ATP10B: variants seen among roughly 807,000 people sequenced by gnomAD.
ATP10B encodes the protein phospholipid-transporting ATPase VB.
In ATP10B, 122 loss-of-function variants were observed where a neutral mutation model predicts 141.2. The ratio of observed to expected loss-of-function variants is 0.86; its 90% CI spans 0.75 to 1.00. The LOEUF (loss-of-function observed/expected upper bound fraction) is 1.00. Ranked by LOEUF, ATP10B falls within the 50% of genes least tolerant of loss-of-function variation. The probability of loss-of-function intolerance (pLI) is 0.00; values close to 1 mark genes in which losing one functional copy is unlikely to be tolerated. For missense variants in ATP10B, 1,876 were observed against 1,825.3 expected (o/e 1.03, Z -0.51); for synonymous variants, 685 against 692.0 (o/e 0.99, Z 0.16).
Position 160,690,188 on chromosome 5 carries a change from A to G in ATP10B, c.-204-1245T>C, listed in dbSNP as rs191531282. Among the ~76,000 whole-genome samples, 4 of 152,220 alleles carry G rather than the reference A, an allele frequency of 2.6e-5. No homozygotes were observed. The East Asian group carries it at 7.7e-4, about 29-fold the overall frequency. On this transcript the variant is annotated intron_variant, in intron 3 of 25. Transcript: ENST00000327245. ...CTGAAACTGGACACCTTCCTTACAC[A>G]TTATACAAAAATTAACTCAAGATGG...
chr5:160,624,488 T>C (rs928319833), intron 13 of ATP10B, among the ~76,000 whole-genome samples: 23 of 152,216 alleles, frequency 1.5e-4, no homozygotes, highest in African/African-American at 5.3e-4. Flanking sequence ...GCAAGAGGGC[T>C]AATAAAACTG....
chr5:160,610,338 A>T (rs542650284), intron 18 of ATP10B, among the ~76,000 whole-genome samples: 5 of 152,268 alleles, frequency 3.3e-5, no homozygotes, highest in African/African-American at 1.2e-4. Flanking sequence ...GCTAACAGTC[A>T]TGTAGGTGAA....
intron 2 of ATP10B, among the ~76,000 whole-genome samples, chr5:160,748,410 C>A (rs571433923): frequency 6.6e-6 from 1 of 152,274 alleles, no homozygotes; most frequent in East Asian, 1.9e-4. Context: ...TTAAATGAGC[C>A]CAGGACAATT....
chr5:160,636,333 T>C, intron 10 of ATP10B, 24 bp from the exon 11 acceptor site: 1 of 1,609,102 alleles, frequency 6.2e-7, no homozygotes, highest in African/African-American at 1.3e-5. Flanking sequence ...AAACCAGGAA[T>C]GAGGCTGAAT....
At chr5:160,667,133 G>A (rs1303999415) in intron 7 of ATP10B, among the ~76,000 whole-genome samples, 1 of 152,180 alleles carries the variant, frequency 6.6e-6, no homozygotes, top group Admixed American at 6.5e-5. Context: ...CAGGAGAATG[G>A]CGTGAACCCG....
the ATP10B span, among the ~76,000 whole-genome samples, chr5:160,884,384 GATGTAT>G: frequency 6.6e-6 from 1 of 152,178 alleles, no homozygotes; most frequent in Non-Finnish European, 1.5e-5. Context: ...CATGTATAAA[GATGTAT>G]AAAGATGTTA....
rs373120886 is a variant in ATP10B, at chr5:160,717,974, G to A, written c.-330-940C>T. Among the ~76,000 whole-genome samples, 6 of 152,334 alleles carry A rather than the reference G, an allele frequency of 3.9e-5. No homozygotes were observed. The East Asian group carries it at 5.8e-4, about 15-fold the overall frequency. Reference sequence around the variant, plus strand: ...ATAGGTTGGATTTACCCTGTACTTGGTGGGATCTCAGTTGGGGGGCCACAG... The same window carrying A: ...ATAGGTTGGATTTACCCTGTACTTGATGGGATCTCAGTTGGGGGGCCACAG... On this transcript the variant is annotated intron_variant, in intron 2 of 25. Coordinates refer to ENST00000327245, the MANE Select transcript of ATP10B (RefSeq NM_025153.3).
At chr5:160,625,538 T>C (rs1758565912) in intron 13 of ATP10B, among the ~76,000 whole-genome samples, 1 of 152,158 alleles carries the variant, frequency 6.6e-6, no homozygotes, top group South Asian at 2.1e-4. Flanking sequence ...GATGCCAAAA[T>C]TGAGTGTCAG....
chr5:160,863,154 A>C, the ATP10B span, among the ~76,000 whole-genome samples: 1 of 151,952 alleles, frequency 6.6e-6, no homozygotes, highest in South Asian at 2.1e-4. Context: ...TATGGGATGG[A>C]GTTCCTACCC....
chr5:160,826,223 C>T (rs1184103213), intron 1 of ATP10B, among the ~76,000 whole-genome samples: 1 of 152,030 alleles, frequency 6.6e-6, no homozygotes, highest in Admixed American at 6.6e-5. Context: ...AAGTTTTGAG[C>T]AATCTCCAAA....
chr5:160,700,547 T>C (rs1430644359), intron 3 of ATP10B, among the ~76,000 whole-genome samples: 2 of 152,228 alleles, frequency 1.3e-5, no homozygotes, highest in African/African-American at 4.8e-5. Context: ...CAGCACATAA[T>C]TGCTAAGTAG....
the ATP10B span, among the ~76,000 whole-genome samples, chr5:160,900,578 G>T: frequency 1.1e-4 from 16 of 152,144 alleles, no homozygotes; most frequent in African/African-American, 3.6e-4. Context: ...AGGTGTTAAT[G>T]TATGTGCTAC....
At chr5:160,899,225 G>C in the ATP10B span, among the ~76,000 whole-genome samples, 1 of 152,038 alleles carries the variant, frequency 6.6e-6, no homozygotes, top group Non-Finnish European at 1.5e-5. Flanking sequence ...TATTGAAAGT[G>C]GGGGGGAGGG....
rs536050789 is a variant in ATP10B at position 160,689,314 on chromosome 5, C to T, written c.-204-371G>A. Among the ~76,000 whole-genome samples the T allele has an allele frequency of 8.5e-5, 13 of 152,290 alleles. No homozygotes were observed. The South Asian group carries it at 2.7e-3, about 32-fold the overall frequency. On this transcript the variant is annotated intron_variant, in intron 3 of 25. Transcript: ENST00000327245. ...TGGAAGCATTCCCTTTGGAAACCAGCACAAGACAAGGATGCCCTCTCTTAC... is the reference window on the plus strand; with the variant it reads ...TGGAAGCATTCCCTTTGGAAACCAGTACAAGACAAGGATGCCCTCTCTTAC...
chr5:160,900,505 A>G, the ATP10B span, among the ~76,000 whole-genome samples: 3 of 152,266 alleles, frequency 2.0e-5, no homozygotes, highest in East Asian at 5.8e-4. Flanking sequence ...CTCAGCTCTT[A>G]ACTTCTAAAT....
At chr5:160,704,039 G>A (rs1319508724) in intron 3 of ATP10B, among the ~76,000 whole-genome samples, 1 of 152,118 alleles carries the variant, frequency 6.6e-6, no homozygotes, top group East Asian at 1.9e-4. Flanking sequence ...CTGGAGTTCA[G>A]TGCCATGATC....
At chr5:160,787,278 T>C (rs547961032) in intron 1 of ATP10B, among the ~76,000 whole-genome samples, 1 of 152,294 alleles carries the variant, frequency 6.6e-6, no homozygotes, top group South Asian at 2.1e-4. Context: ...AAGCTGAATC[T>C]GAGTGGTGTC....
chr5:160,695,710 G>A (rs1764320222), intron 3 of ATP10B, among the ~76,000 whole-genome samples: 1 of 151,988 alleles, frequency 6.6e-6, no homozygotes, highest in South Asian at 2.1e-4. Flanking sequence ...CATATCAGTG[G>A]GTTAGGACTA....
At chr5:160,825,966 C>CT (rs1774572094) in intron 1 of ATP10B, among the ~76,000 whole-genome samples, 1 of 152,174 alleles carries the variant, frequency 6.6e-6, no homozygotes, top group African/African-American at 2.4e-5. Context: ...GCTTCATCCA[C>CT]TTTGCTGCAA....
Sources: gnomAD v4.1 joint callset for allele counts (sites outside exome capture counted in the v4.1 genomes callset) on GRCh38, gnomAD v4.1.1 for gene constraint, MANE v1.5 for transcripts, NCBI Gene and HGNC (gene_info 2026-07-23, HGNC 2026-07-21) for gene names.